The following DLGAP2 variants were observed in gnomAD, a reference collection of about 807,000 sequenced individuals.
DLGAP2 encodes DLG associated protein 2, also known as disks large-associated protein 2.
DLGAP2 carries 26 observed loss-of-function variants against 100.3 expected under a neutral mutation model. The observed-to-expected ratio is 0.26, with a 90% confidence interval of 0.19 to 0.36. The LOEUF (loss-of-function observed/expected upper bound fraction) is 0.36, where lower values mean the gene tolerates loss of function less well. Among genes scored for constraint, DLGAP2 ranks in the 10% least tolerant of loss-of-function variants. The pLI is 1.00. For synonymous variants in DLGAP2, 886 were observed against 630.1 expected (o/e 1.41, Z -6.08); for missense variants, 1,858 against 1,453.2 (o/e 1.28, Z -4.53).
intron 6 of DLGAP2, among the ~76,000 whole-genome samples, chr8:1,606,440 C>G (rs778528120): frequency 2.0e-5 from 3 of 152,106 alleles, no homozygotes; most frequent in South Asian, 2.1e-4. Context: ...CTGGCAACCA[C>G]GAACCTGCAT....
At chr8:1,098,773 A>C (rs1371842371) in intron 2 of DLGAP2, among the ~76,000 whole-genome samples, 3 of 132,322 alleles carry the variant, frequency 2.3e-5, no homozygotes, top group Non-Finnish European at 3.3e-5. Flanking sequence ...GCCGCCACCC[A>C]CGCCAGGCTC....
At chr8:1,367,940 G>A (rs1213575771) in intron 3 of DLGAP2, among the ~76,000 whole-genome samples, 2 of 152,244 alleles carry the variant, frequency 1.3e-5, no homozygotes, top group Non-Finnish European at 1.5e-5. Context: ...ATGATCTTTA[G>A]TGCCTGGCAT....
chr8:1,088,033 G>T (rs148044562), intron 2 of DLGAP2, among the ~76,000 whole-genome samples: 6 of 152,208 alleles, frequency 3.9e-5, no homozygotes, highest in South Asian at 2.1e-4. Context: ...GTCCCTTCCC[G>T]TCTGGCTCTG....
At chr8:921,560 C>T (rs1364800882) in intron 2 of DLGAP2, among the ~76,000 whole-genome samples, 1 of 152,378 alleles carries the variant, frequency 6.6e-6, no homozygotes, top group Non-Finnish European at 1.5e-5. Context: ...CTTTCACTGG[C>T]ATTTCCCATA....
rs17749616 is a variant in DLGAP2 at position 1,701,449 on chromosome 8, G to C, written c.*43G>C. On this transcript the variant is annotated 3_prime_UTR_variant, in exon 15 of 15. Transcript: ENST00000637795. ...TTCCCCTCGTCGCTTCCGCTTTCCC[G>C]GACGCTTGTGCAGCGCGGCGCCGCC... 14,719 of 1,537,658 alleles carry C rather than the reference G, an allele frequency of 9.6e-3. 79 individuals are homozygous for C. Among genetic ancestry groups the C allele is most frequent in the Non-Finnish European group, 0.011 (12,813 of 1,141,282 alleles).
intron 1 of DLGAP2, among the ~76,000 whole-genome samples, chr8:741,283 G>A (rs909760330): frequency 2.0e-5 from 3 of 152,180 alleles, no homozygotes; most frequent in African/African-American, 7.2e-5. Context: ...TGCATCTACT[G>A]GTAGCCACCT....
chr8:1,036,814 G>T (rs559699779), intron 2 of DLGAP2, among the ~76,000 whole-genome samples: 1 of 152,314 alleles, frequency 6.6e-6, no homozygotes, highest in South Asian at 2.1e-4. Context: ...GGCAGTCATG[G>T]TTCAGAATCC....
intron 2 of DLGAP2, among the ~76,000 whole-genome samples, chr8:1,021,203 T>C (rs931324248): frequency 2.6e-5 from 4 of 152,230 alleles, no homozygotes; most frequent in Non-Finnish European, 5.9e-5. Context: ...AAGAAGATAT[T>C]GTTACCCTTG....
chr8:972,985 C>G (rs1171758437), intron 2 of DLGAP2, among the ~76,000 whole-genome samples: 1 of 152,246 alleles, frequency 6.6e-6, no homozygotes, highest in Non-Finnish European at 1.5e-5. Context: ...TTTCTTAGTA[C>G]AGAACAAAAT....
chr8:1,119,118 A>G (rs767596290), intron 2 of DLGAP2, among the ~76,000 whole-genome samples: 2 of 152,152 alleles, frequency 1.3e-5, no homozygotes, highest in Non-Finnish European at 2.9e-5. Flanking sequence ...ATTTTTTCCC[A>G]TTTAAGTACT....
chr8:1,133,415 G>A (rs1355647477), intron 2 of DLGAP2, among the ~76,000 whole-genome samples: 1 of 152,116 alleles, frequency 6.6e-6, no homozygotes, highest in Non-Finnish European at 1.5e-5. Flanking sequence ...TAGGAGTCAT[G>A]AGAAATATAT....
chr8:1,449,036 C>T (rs986779865), intron 3 of DLGAP2, among the ~76,000 whole-genome samples: 7 of 152,186 alleles, frequency 4.6e-5, no homozygotes, highest in Non-Finnish European at 8.8e-5. Flanking sequence ...AGGCTCAGCA[C>T]GGGTCAGGGA....
chr8:1,551,594 T>C (rs1356666949), intron 5 of DLGAP2, among the ~76,000 whole-genome samples: 1 of 152,180 alleles, frequency 6.6e-6, no homozygotes, highest in Non-Finnish European at 1.5e-5. Flanking sequence ...GTGCAGGGAA[T>C]ACCAGTCGTC....
At chr8:958,903 A>G (rs17065489) in intron 2 of DLGAP2, among the ~76,000 whole-genome samples, 5,812 of 152,266 alleles carry the variant, frequency 0.038, 347 homozygotes, top group African/African-American at 0.13. Flanking sequence ...ATGAGAACAT[A>G]AGGTGGCTTG....
intron 2 of DLGAP2, among the ~76,000 whole-genome samples, chr8:971,493 C>T (rs1203103683): frequency 1.3e-5 from 2 of 152,132 alleles, no homozygotes; most frequent in South Asian, 4.1e-4. Flanking sequence ...GAGAAGCAGC[C>T]CCAGCTGGAG....
At chr8:802,766 A>G (rs996599300) in intron 1 of DLGAP2, among the ~76,000 whole-genome samples, 1 of 152,008 alleles carries the variant, frequency 6.6e-6, no homozygotes, top group South Asian at 2.1e-4. Flanking sequence ...CCACCATAAC[A>G]TCTAAGATCT....
At chr8:1,067,613 G>GTA (rs1431562038) in intron 2 of DLGAP2, among the ~76,000 whole-genome samples, 5 of 142,062 alleles carry the variant, frequency 3.5e-5, no homozygotes, top group Non-Finnish European at 3.0e-5. Flanking sequence ...ACGTGTGTGT[G>GTA]TGTGTGTGTG....
At chr8:1,286,055 C>G (rs183318989) in intron 3 of DLGAP2, among the ~76,000 whole-genome samples, 218 of 152,258 alleles carry the variant, frequency 1.4e-3, no homozygotes, top group East Asian at 8.5e-3. Flanking sequence ...GCACCGAAAT[C>G]TCACCTTGAG....
chr8:1,651,257 C>G (rs2130809785), intron 8 of DLGAP2, among the ~76,000 whole-genome samples: 1 of 152,320 alleles, frequency 6.6e-6, no homozygotes, highest in African/African-American at 2.4e-5. Context: ...TGTTGACCCA[C>G]CAGATTCTGT....
Sources: allele counts gnomAD v4.1 joint callset (sites outside exome capture counted in the v4.1 genomes callset), GRCh38; gene constraint gnomAD v4.1.1; transcripts MANE v1.5; gene names NCBI Gene and HGNC (gene_info 2026-07-23, HGNC 2026-07-21).